The following PIWIL2 variants were observed in gnomAD, a reference collection of about 807,000 sequenced individuals.
PIWIL2 encodes piwi like RNA-mediated gene silencing 2.
A neutral mutation model predicts 116.5 loss-of-function variants in PIWIL2; 81 were observed. The ratio of observed to expected loss-of-function variants is 0.70; its 90% CI spans 0.58 to 0.84. The LOEUF is 0.84. PIWIL2 is among the 40% of genes least tolerant of loss of function. PIWIL2 has a pLI of 0.00. For synonymous variants in PIWIL2, 489 were observed against 429.5 expected (o/e 1.14, Z -1.71); for missense variants, 1,272 against 1,212.3 (o/e 1.05, Z -0.73).
At chr8:22,344,051 A>T (rs1410939756) in intron 20 of PIWIL2, among the ~76,000 whole-genome samples, 1 of 152,226 alleles carries the variant, frequency 6.6e-6, no homozygotes, top group Non-Finnish European at 1.5e-5. Context: ...GTGTTAAAAG[A>T]AATAAGCCAT....
chr8:22,281,290 G>GT, intron 3 of PIWIL2, 83 bp downstream of exon 3: 1 of 1,547,982 alleles, frequency 6.5e-7, no homozygotes, highest in Non-Finnish European at 8.7e-7. Context: ...TTTCAGAAAC[G>GT]TAACTGTGCT....
chr8:22,306,167 C>T, intron 13 of PIWIL2, 151 bp downstream of exon 13: 1 of 625,876 alleles, frequency 1.6e-6, no homozygotes. Flanking sequence ...CCAGTTTTCT[C>T]CTCTGTAAAA....
At chr8:22,338,817 G>GT (rs1832040369) in intron 20 of PIWIL2, among the ~76,000 whole-genome samples, 1 of 152,096 alleles carries the variant, frequency 6.6e-6, no homozygotes, top group African/African-American at 2.4e-5. Flanking sequence ...CATTGCAAAA[G>GT]TAACATTTTT....
chr8:22,297,630 T>G (rs933900911), intron 10 of PIWIL2, among the ~76,000 whole-genome samples: 5 of 152,020 alleles, frequency 3.3e-5, no homozygotes, highest in Non-Finnish European at 5.9e-5. Context: ...ACCCCTGCAG[T>G]GGGGATTTAC....
chr8:22,288,619 G>A lies in PIWIL2; in HGVS notation c.939G>A (p.Glu313=). The A allele has an allele frequency of 3.1e-6, 5 of 1,613,678 alleles. No individual in the cohort carries two copies. The highest frequency in any genetic ancestry group is 4.2e-6 in the Non-Finnish European group (5 of 1,179,590). Residue 313 remains glutamate, a synonymous_variant, in exon 8 of 23, where the codon GAG becomes GAA. Coordinates refer to ENST00000356766, the MANE Select transcript of PIWIL2 (RefSeq NM_018068.5). ...SIKIQMTKIL[E]PCSDLCIPFY... is the part of the protein sequence containing the mutation. ...AGATTCAGATGACAAAGATCCTGGA[G>A]CCCTGCTCTGACCTGTGCATTCCCT... is the stretch of plus-strand genomic sequence containing the variant.
At chr8:22,305,424 C>A (rs1451743565) in intron 12 of PIWIL2, among the ~76,000 whole-genome samples, 1 of 152,070 alleles carries the variant, frequency 6.6e-6, no homozygotes, top group East Asian at 1.9e-4. Context: ...GATCTCCTGA[C>A]CTCGTGATTT....
At chr8:22,300,919 T>C (rs1831031157) in intron 10 of PIWIL2, among the ~76,000 whole-genome samples, 1 of 152,220 alleles carries the variant, frequency 6.6e-6, no homozygotes, top group South Asian at 2.1e-4. Context: ...GTGAATGATA[T>C]GCACGTATCA....
At chr8:22,283,313 T>C in intron 5 of PIWIL2, 73 bp downstream of exon 5, 1 of 1,214,444 alleles carries the variant, frequency 8.2e-7, no homozygotes, top group Non-Finnish European at 1.2e-6. Flanking sequence ...GTGTGTAGTA[T>C]TGTAAAATCT....
At chr8:22,282,778 C>T (rs550771584) in intron 4 of PIWIL2, among the ~76,000 whole-genome samples, 4 of 151,784 alleles carry the variant, frequency 2.6e-5, no homozygotes, top group Non-Finnish European at 5.9e-5. Context: ...TTTTATAGTG[C>T]GGGGTCTCAC....
chr8:22,351,023 C>T (rs1832340864), intron 20 of PIWIL2, among the ~76,000 whole-genome samples: 3 of 151,952 alleles, frequency 2.0e-5, no homozygotes, highest in African/African-American at 7.2e-5. Flanking sequence ...CACCTGTAGT[C>T]CCAGCTAGTC....
chr8:22,296,056 T>TTGTTG (rs1830897346), intron 10 of PIWIL2, among the ~76,000 whole-genome samples: 1 of 118,404 alleles, frequency 8.4e-6, no homozygotes, highest in Admixed American at 9.0e-5. Context: ...TTTTTTTTTT[T>TTGTTG]TTGTTGTTGT....
At chr8:22,302,231 A>C (rs1831067140) in intron 10 of PIWIL2, among the ~76,000 whole-genome samples, 1 of 151,840 alleles carries the variant, frequency 6.6e-6, no homozygotes, top group South Asian at 2.1e-4. Flanking sequence ...CACCAGGCTA[A>C]AGTGCAGTGG....
chr8:22,320,310 C>A (rs1346051172), intron 20 of PIWIL2, among the ~76,000 whole-genome samples: 3 of 135,812 alleles, frequency 2.2e-5, no homozygotes, highest in Non-Finnish European at 4.6e-5. Context: ...GTAACCCAGG[C>A]TGGAGTACAG....
At chr8:22,286,497 C>T (rs983973375) in intron 6 of PIWIL2, among the ~76,000 whole-genome samples, 15 of 152,136 alleles carry the variant, frequency 9.9e-5, no homozygotes, top group Non-Finnish European at 1.8e-4. Context: ...GAGCATTAAA[C>T]AGAGGGGAGA....
chr8:22,310,831 T>TTC (rs1261153196), intron 15 of PIWIL2, among the ~76,000 whole-genome samples: 1 of 152,206 alleles, frequency 6.6e-6, no homozygotes, highest in African/African-American at 2.4e-5. Context: ...AGATTATATA[T>TTC]TCTTCTGTGT....
chr8:22,345,533 G>C (rs1832207478), intron 20 of PIWIL2, among the ~76,000 whole-genome samples: 1 of 152,004 alleles, frequency 6.6e-6, no homozygotes, highest in African/African-American at 2.4e-5. Flanking sequence ...GCATGGTGGT[G>C]TGCACCTGTA....
chr8:22,281,312 A>C, intron 3 of PIWIL2, 65 bp from the exon 4 acceptor site: 2 of 1,569,358 alleles, frequency 1.3e-6, no homozygotes, highest in Non-Finnish European at 1.7e-6. Context: ...TTTTTAAAAA[A>C]AAAAACTATA....
At chr8:22,289,661 A>T (rs1284982413) in intron 8 of PIWIL2, among the ~76,000 whole-genome samples, 186 bp from the exon 9 acceptor site, 1 of 152,230 alleles carries the variant, frequency 6.6e-6, no homozygotes, top group Non-Finnish European at 1.5e-5. Context: ...TTGCTTTTTC[A>T]GTCAAATGCT....
At position 22,283,142 on chromosome 8, in the gene PIWIL2, C is replaced by G; in HGVS notation, c.534C>G (p.Ser178=). The change falls in exon 5 of 23, where the codon TCC becomes TCG. Residue 178 remains serine, a synonymous_variant. Coordinates refer to ENST00000356766, the MANE Select transcript of PIWIL2 (RefSeq NM_018068.5). ...DKPPCTFSTP[S]RGPPQLSSPP... is the part of the protein sequence containing the mutation. ...CTCCCTGTACCTTCAGCACACCGTC[C>G]CGGGGTCCCCCGCAGCTGTCATCAC... is the stretch of plus-strand genomic sequence containing the variant. 9.3e-6 allele frequency: 15 copies of G among 1,614,130 alleles called. No homozygotes were observed. The highest frequency in any genetic ancestry group is 1.2e-5 in the Non-Finnish European group (14 of 1,180,006).
Sources: gnomAD v4.1 joint callset for allele counts (sites outside exome capture counted in the v4.1 genomes callset) on GRCh38, gnomAD v4.1.1 for gene constraint, MANE v1.5 for transcripts, NCBI Gene and HGNC (gene_info 2026-07-23, HGNC 2026-07-21) for gene names.